KCNIP1: variants seen among roughly 807,000 people sequenced by gnomAD.
The protein encoded by KCNIP1 is potassium voltage-gated channel interacting protein 1.
A neutral mutation model predicts 33.0 loss-of-function variants in KCNIP1; 18 were observed. That is an observed-to-expected ratio of 0.55 (90% CI 0.38 to 0.81). The LOEUF (loss-of-function observed/expected upper bound fraction) is 0.81, where lower values mean the gene tolerates loss of function less well. Ranked by LOEUF, KCNIP1 falls within the 30% of genes least tolerant of loss-of-function variation. The pLI, the probability that KCNIP1 is intolerant of heterozygous loss-of-function variation, is 0.00. For missense variants in KCNIP1, 238 were observed against 271.6 expected, an observed-to-expected ratio of 0.88 and a Z score of 0.87; for synonymous variants, 93 against 98.3, an observed-to-expected ratio of 0.95 and a Z score of 0.32.
chr5:170,509,442 A>G (rs1400480521), intron 1 of KCNIP1, among the ~76,000 whole-genome samples: 1 of 152,258 alleles, frequency 6.6e-6, no homozygotes, highest in Non-Finnish European at 1.5e-5. Flanking sequence ...GGTCTCTGGA[A>G]AAGGGCCAAG....
chr5:170,692,481 A>G (rs1762753591), intron 1 of KCNIP1, among the ~76,000 whole-genome samples: 1 of 152,260 alleles, frequency 6.6e-6, no homozygotes, highest in African/African-American at 2.4e-5. Flanking sequence ...GCATGATATT[A>G]TGAGATTGCA....
intron 1 of KCNIP1, among the ~76,000 whole-genome samples, chr5:170,596,920 C>A (rs1375746207): frequency 6.6e-6 from 1 of 152,214 alleles, no homozygotes; most frequent in Non-Finnish European, 1.5e-5. Flanking sequence ...TGTGAGCTCA[C>A]GCTGAGTGAG....
intron 1 of KCNIP1, among the ~76,000 whole-genome samples, chr5:170,682,873 C>A (rs773069485): frequency 7.2e-6 from 1 of 139,790 alleles, no homozygotes. Context: ...AGGTCATCCA[C>A]CTGCCTTGGC....
chr5:170,359,389 T>A (rs13354445), intron 1 of KCNIP1, among the ~76,000 whole-genome samples: 2,337 of 152,284 alleles, frequency 0.015, 51 homozygotes, highest in African/African-American at 0.051. Flanking sequence ...ACCTGTGAGA[T>A]ATCATCATCC....
intron 1 of KCNIP1, chr5:170,484,235 CG>C (rs1387296486): frequency 6.6e-6 from 1 of 152,332 alleles, no homozygotes; most frequent in African/African-American, 2.4e-5. Flanking sequence ...GAACTCCTAA[CG>C]TGCATTCTGC....
At chr5:170,707,978 T>G (rs1246831851) in intron 1 of KCNIP1, among the ~76,000 whole-genome samples, 1 of 152,098 alleles carries the variant, frequency 6.6e-6, no homozygotes, top group East Asian at 1.9e-4. Context: ...CGTGGAACAC[T>G]CAGAAAATCT....
intron 1 of KCNIP1, among the ~76,000 whole-genome samples, chr5:170,617,038 T>G (rs1759403252): frequency 6.6e-6 from 1 of 152,116 alleles, no homozygotes. Flanking sequence ...ACACTCTTTC[T>G]GGCCAGGGTC....
chr5:170,378,869 G>A (rs779701228), intron 1 of KCNIP1: 18 of 1,614,122 alleles, frequency 1.1e-5, no homozygotes, highest in East Asian at 1.1e-4. Flanking sequence ...CCCGAGGTGC[G>A]GAGAAGCAGT....
rs747334016 is a variant in KCNIP1 at position 170,712,907 on chromosome 5, A to G, written c.62-5851A>G. ...GAGAGGTAAAAAACAGTTTAAACTAACCTGACTTTGGTCACATGACTTGCA... is the reference window on the plus strand; with the variant it reads ...GAGAGGTAAAAAACAGTTTAAACTAGCCTGACTTTGGTCACATGACTTGCA... On this transcript the variant is annotated intron_variant, in intron 1 of 7. Transcript: ENST00000328939. The G allele has an allele frequency of 1.9e-6, 3 of 1,608,336 alleles. No homozygotes were observed. The East Asian group carries it at 6.7e-5, about 36-fold the overall frequency.
chr5:170,558,829 C>A (rs1756930793), intron 1 of KCNIP1, among the ~76,000 whole-genome samples: 1 of 152,212 alleles, frequency 6.6e-6, no homozygotes, highest in African/African-American at 2.4e-5. Flanking sequence ...TGCTTATAAA[C>A]CCCAGAGTTG....
chr5:170,475,301 T>C (rs887748308), intron 1 of KCNIP1, among the ~76,000 whole-genome samples: 8 of 152,252 alleles, frequency 5.3e-5, no homozygotes. Context: ...CTCTCTACCA[T>C]GTCCATTTCT....
At chr5:170,551,736 AGT>A (rs1756644705) in intron 1 of KCNIP1, among the ~76,000 whole-genome samples, 1 of 150,418 alleles carries the variant, frequency 6.6e-6, no homozygotes, top group Non-Finnish European at 1.5e-5. Flanking sequence ...CATGTGTTTG[AGT>A]GTGTATATGC....
At chr5:170,629,504 A>T (rs1053691321) in intron 1 of KCNIP1, among the ~76,000 whole-genome samples, 1 of 152,206 alleles carries the variant, frequency 6.6e-6, no homozygotes, top group Admixed American at 6.5e-5. Flanking sequence ...GAGGGGTCTC[A>T]GGCAGGCCAG....
rs187053091 is a variant in KCNIP1, at chr5:170,516,354, G to A, written c.61+11721G>A. Among the ~76,000 whole-genome samples the A allele has an allele frequency of 1.7e-3, 259 of 152,220 alleles. 2 individuals carry two copies. The highest frequency in any genetic ancestry group is 2.9e-3 in the Non-Finnish European group (195 of 68,022). ...TTCTATCATCATTCCCTGTAAACAC[G>A]CTTGACTCTCCAGCAAGAGTGACCT... is the stretch of plus-strand genomic sequence containing the variant. On this transcript the variant is annotated intron_variant, in intron 1 of 7. Transcript: ENST00000328939.
chr5:170,372,490 A>C (rs1280004198), intron 1 of KCNIP1, among the ~76,000 whole-genome samples: 3 of 152,170 alleles, frequency 2.0e-5, no homozygotes, highest in Non-Finnish European at 4.4e-5. Flanking sequence ...GTAGAGCTGA[A>C]GGTTCTAACT....
chr5:170,389,006 A>T (rs561141365), intron 1 of KCNIP1, among the ~76,000 whole-genome samples: 1 of 152,200 alleles, frequency 6.6e-6, no homozygotes, highest in Non-Finnish European at 1.5e-5. Flanking sequence ...TCCAGGCTGC[A>T]GCCTTCTGGC....
At chr5:170,408,876 A>G (rs1377888501) in intron 1 of KCNIP1, among the ~76,000 whole-genome samples, 3 of 152,172 alleles carry the variant, frequency 2.0e-5, no homozygotes, top group African/African-American at 7.2e-5. Flanking sequence ...AGGAAGAAGG[A>G]AGGTGCTGGA....
At chr5:170,480,843 A>G (rs1212559199) in intron 1 of KCNIP1, among the ~76,000 whole-genome samples, 4 of 152,272 alleles carry the variant, frequency 2.6e-5, no homozygotes, top group South Asian at 4.2e-4. Flanking sequence ...GTTACCAAGC[A>G]TGACTACTAA....
rs1285710793 is a variant in KCNIP1, at chr5:170,504,244, T to C, written c.-329T>C. On this transcript the variant is annotated 5_prime_UTR_variant, in exon 1 of 8. Transcript: ENST00000328939. The surrounding 1 kb of genome is among the most constrained non-coding windows in gnomAD (Gnocchi z 6.0). ...TCGGCAGCCTCGGCCGGGCGGCCGC[T>C]CTGGCCCCGTGTCCAGTGCCAGGCA... 1.8e-6 allele frequency: 2 copies of C among 1,100,934 alleles called. No homozygotes were observed. The highest frequency in any genetic ancestry group is 2.2e-6 in the Non-Finnish European group (2 of 905,454). 68.2% of individuals were successfully genotyped at this position (1,100,934 alleles called of 1,614,324 possible). A position where few individuals can be genotyped will look rare whatever the true frequency, so the allele number is the denominator to read the frequency against.
Sources: allele counts gnomAD v4.1 joint callset (sites outside exome capture counted in the v4.1 genomes callset), GRCh38; gene constraint gnomAD v4.1.1; non-coding constraint Gnocchi (gnomAD v3.1); transcripts MANE v1.5; gene names NCBI Gene and HGNC (gene_info 2026-07-23, HGNC 2026-07-21).